Variants in PPP1R9A observed in about 807,000 individuals in gnomAD.
PPP1R9A encodes the protein neurabin-1.
Under a neutral mutation model 141.9 loss-of-function variants are expected in PPP1R9A, and 59 were observed. The observed-to-expected ratio is 0.42, with a 90% CI of 0.34 to 0.52. The LOEUF (loss-of-function observed/expected upper bound fraction) is 0.52. PPP1R9A is among the 20% of genes least tolerant of loss of function. The pLI, the probability that PPP1R9A is intolerant of heterozygous loss-of-function variation, is 0.10. For synonymous variants in PPP1R9A, 500 were observed against 569.7 expected (o/e 0.88, Z 1.74); for missense variants, 1,444 against 1,611.9 (o/e 0.90, Z 1.78).
chr7:95,183,015 T>C lies in PPP1R9A; in HGVS notation c.1755-15334T>C, dbSNP rs565289821. ...GTTCCTGGAAGGGATGTAGTATTTT[T>C]GGAAAATATCTTAAGTTTATGCCTG... On this transcript the variant is annotated intron_variant, in intron 5 of 19. Transcript: ENST00000433360. 2.2e-4 allele frequency among the ~76,000 whole-genome samples: 33 copies of C among 152,322 alleles called. No individual in the cohort carries two copies. The Middle Eastern group carries it at 0.01, about 47-fold the overall frequency.
Position 95,251,683 on chromosome 7 carries a change from T to A in PPP1R9A, c.2397-79T>A, listed in dbSNP as rs897297630. 4 of 1,300,140 alleles carry A rather than the reference T, an allele frequency of 3.1e-6. No homozygotes were observed. In the African/African-American group the frequency reaches 6.0e-5, roughly 20 times the overall value. The allele number at this position is 1,300,140 out of a possible 1,614,324, so 80.5% of individuals were successfully genotyped here. A position where few individuals can be genotyped will look rare whatever the true frequency, so the allele number is the denominator to read the frequency against. ...ATAACTGTTCAGTTGCTTATCCTAC[T>A]ATGCAGTTTATTGTTTCAGATAAGA... On this transcript the variant is annotated intron_variant, in intron 10 of 19. Transcript: ENST00000433360.
At chr7:95,250,681 A>G (rs916908008) in intron 10 of PPP1R9A, among the ~76,000 whole-genome samples, 1 of 152,164 alleles carries the variant, frequency 6.6e-6, no homozygotes, top group African/African-American at 2.4e-5. Context: ...TTAGATCAGT[A>G]ACTACAGAAT....
chr7:95,008,888 C>G (rs1306612158), intron 2 of PPP1R9A, among the ~76,000 whole-genome samples: 2 of 152,072 alleles, frequency 1.3e-5, no homozygotes, highest in African/African-American at 4.8e-5. Context: ...ATAGCAGAGA[C>G]TTGGAACCAA....
chr7:95,105,961 G>C (rs747098036), intron 2 of PPP1R9A, among the ~76,000 whole-genome samples: 5 of 152,092 alleles, frequency 3.3e-5, no homozygotes, highest in Non-Finnish European at 5.9e-5. Context: ...TTCAAAACAT[G>C]TTTATGAAAG....
intron 2 of PPP1R9A, among the ~76,000 whole-genome samples, chr7:94,979,725 C>T (rs1799864009): frequency 6.6e-6 from 1 of 152,142 alleles, no homozygotes. Context: ...AGGAGTAAGG[C>T]TCTTTACTCA....
At chr7:95,085,193 A>G (rs1816437429) in intron 2 of PPP1R9A, among the ~76,000 whole-genome samples, 1 of 151,850 alleles carries the variant, frequency 6.6e-6, no homozygotes, top group African/African-American at 2.4e-5. Context: ...TCTGTGAATG[A>G]TGTGTTTATA....
chr7:95,232,765 A>T (rs981783899), intron 8 of PPP1R9A, among the ~76,000 whole-genome samples: 2 of 152,248 alleles, frequency 1.3e-5, no homozygotes, highest in African/African-American at 4.8e-5. Flanking sequence ...AACATATGAA[A>T]AAAAGCTTAT....
intron 2 of PPP1R9A, among the ~76,000 whole-genome samples, chr7:94,921,618 T>G (rs1036545283): frequency 6.6e-6 from 1 of 152,102 alleles, no homozygotes; most frequent in Non-Finnish European, 1.5e-5. Context: ...AATTATTATT[T>G]TTTTAAATAA....
chr7:95,199,850 T>A (rs1418081092), intron 6 of PPP1R9A, among the ~76,000 whole-genome samples: 1 of 152,212 alleles, frequency 6.6e-6, no homozygotes, highest in Admixed American at 6.5e-5. Flanking sequence ...ATTTTGTATT[T>A]TATCAGAGAC....
At chr7:95,116,297 G>T (rs527544623) in intron 3 of PPP1R9A, among the ~76,000 whole-genome samples, 1 of 151,934 alleles carries the variant, frequency 6.6e-6, no homozygotes, top group East Asian at 1.9e-4. Flanking sequence ...AAGATGAAAA[G>T]CATCATCTTT....
At chr7:94,916,328 T>C (rs1355548432) in intron 2 of PPP1R9A, among the ~76,000 whole-genome samples, 1 of 152,202 alleles carries the variant, frequency 6.6e-6, no homozygotes, top group Non-Finnish European at 1.5e-5. Flanking sequence ...AGATTTTACA[T>C]TTCTAACAAG....
At chr7:95,125,862 T>C (rs376963655) in intron 4 of PPP1R9A, among the ~76,000 whole-genome samples, 2 of 152,176 alleles carry the variant, frequency 1.3e-5, no homozygotes, top group South Asian at 4.1e-4. Context: ...AATACCAACA[T>C]ATACAATAGA....
chr7:95,026,787 T>C (rs568794350), intron 2 of PPP1R9A, among the ~76,000 whole-genome samples: 1 of 152,244 alleles, frequency 6.6e-6, no homozygotes, highest in East Asian at 1.9e-4. Flanking sequence ...CTGCCCAGAA[T>C]GTGGGAATCT....
chr7:95,228,127 A>C (rs1795397330), intron 8 of PPP1R9A, among the ~76,000 whole-genome samples: 1 of 152,138 alleles, frequency 6.6e-6, no homozygotes, highest in South Asian at 2.1e-4. Context: ...ACAAAGTTTC[A>C]TGTTACAGGA....
intron 2 of PPP1R9A, among the ~76,000 whole-genome samples, chr7:94,968,141 A>G (rs1798420312): frequency 6.6e-6 from 1 of 151,228 alleles, no homozygotes. Flanking sequence ...TTCTTGTCGC[A>G]TTGATCCCTA....
intron 2 of PPP1R9A, among the ~76,000 whole-genome samples, chr7:94,941,944 T>C (rs1384493392): frequency 1.3e-5 from 2 of 152,064 alleles, no homozygotes; most frequent in East Asian, 3.8e-4. Context: ...TTTTGGTCCT[T>C]AGTTTCCTTA....
chr7:95,218,776 G>C (rs932076694), intron 7 of PPP1R9A, among the ~76,000 whole-genome samples: 1 of 152,120 alleles, frequency 6.6e-6, no homozygotes, highest in African/African-American at 2.4e-5. Flanking sequence ...TTTTATCAGA[G>C]ACTAGGATTG....
intron 2 of PPP1R9A, among the ~76,000 whole-genome samples, chr7:95,027,791 A>G (rs1807100610): frequency 6.6e-6 from 1 of 152,178 alleles, no homozygotes. Context: ...GTATTTGTAT[A>G]GTTTAATATA....
intron 5 of PPP1R9A, among the ~76,000 whole-genome samples, chr7:95,173,225 A>C (rs540052685): frequency 3.3e-5 from 5 of 152,020 alleles, no homozygotes; most frequent in African/African-American, 1.2e-4. Context: ...AGACATGGGT[A>C]TCCATGGACA....
Sources: gnomAD v4.1 joint callset for allele counts (sites outside exome capture counted in the v4.1 genomes callset) on GRCh38, gnomAD v4.1.1 for gene constraint, MANE v1.5 for transcripts, NCBI Gene and HGNC (gene_info 2026-07-23, HGNC 2026-07-21) for gene names.